TRIP12: variants seen among roughly 807,000 people sequenced by gnomAD.
TRIP12 encodes the protein E3 ubiquitin-protein ligase TRIP12.
Under a neutral mutation model 244.2 loss-of-function variants are expected in TRIP12, and 25 were observed. The observed-to-expected ratio is 0.10, with a 90% CI of 0.07 to 0.14. TRIP12 has a LOEUF of 0.14. Among genes scored for constraint, TRIP12 ranks in the 10% least tolerant of loss-of-function variants. The pLI is 1.00. For synonymous variants in TRIP12, 905 were observed against 873.1 expected, an observed-to-expected ratio of 1.04 and a Z score of -0.64; for missense variants, 1,677 against 2,486.4, an observed-to-expected ratio of 0.67 and a Z score of 6.92.
chr2:229,883,622 T>C (rs1326401115), intron 1 of TRIP12, among the ~76,000 whole-genome samples: 3 of 152,292 alleles, frequency 2.0e-5, no homozygotes, highest in African/African-American at 7.2e-5. Context: ...ATCAAGATTT[T>C]TCACATAAAA....
At chr2:229,828,040 T>C (rs62190439) in intron 8 of TRIP12, among the ~76,000 whole-genome samples, 3,477 of 152,316 alleles carry the variant, frequency 0.023, 46 homozygotes, top group Non-Finnish European at 0.031. Flanking sequence ...GTGGGACTAA[T>C]GTAGTGTGTG....
At position 229,858,895 on chromosome 2, in the gene TRIP12, A is replaced by G; in HGVS notation, c.904T>C (p.Phe302Leu). The G allele has an allele frequency of 1.2e-6, 2 of 1,614,132 alleles. No homozygotes were observed. The highest frequency in any genetic ancestry group is 1.7e-6 in the Non-Finnish European group (2 of 1,180,004). ...GGGCTGAAACGAGCAGCCCAATCAA[A>G]TTTTGAAGAGCCACCAGTTTTACTC... ...EQSKTGGSSK[F>L]DWAARFSPKV... The change falls in exon 4 of 42, where the codon TTT (phenylalanine) becomes CTT (leucine). Residue 302 changes from phenylalanine (F) to leucine (L), a missense_variant. Physicochemically the swap from Phe to Leu is conservative, Grantham distance 22 (BLOSUM62 0). Coordinates refer to ENST00000675903, the MANE Select transcript of TRIP12 (RefSeq NM_001348323.3).
rs1559583978 is a variant in TRIP12, at chr2:229,813,902, G to T, written c.1954C>A (p.Leu652Ile). 1 of 1,581,694 alleles carries T rather than the reference G, an allele frequency of 6.3e-7. No individual in the cohort carries two copies. The highest frequency in any genetic ancestry group is 8.6e-7 in the Non-Finnish European group (1 of 1,156,394). ...PDEFHFVADS[L>I]PLLTQRLTHQ... Reference sequence around the variant, plus strand: ...GTTAGCCTTTGGGTTAGCAATGGGAGTGAATCTGCCACAAAATGAAATTCA... The same window carrying T: ...GTTAGCCTTTGGGTTAGCAATGGGATTGAATCTGCCACAAAATGAAATTCA... Residue 652 changes from leucine to isoleucine, a missense_variant, in exon 13 of 42, where the codon CTC (leucine) becomes ATC (isoleucine). Physicochemically the swap from Leu to Ile is conservative, Grantham distance 5 (BLOSUM62 2). Coordinates refer to ENST00000675903, the MANE Select transcript of TRIP12 (RefSeq NM_001348323.3).
At chr2:229,769,549 G>C (rs571277477) in intron 39 of TRIP12, among the ~76,000 whole-genome samples, 4 of 151,966 alleles carry the variant, frequency 2.6e-5, no homozygotes, top group African/African-American at 9.7e-5. Flanking sequence ...CCCATCTGCA[G>C]GGACTTGGTT....
At position 229,795,214 on chromosome 2, in the gene TRIP12, T is replaced by C. The variant is rs1277729325; in HGVS notation, c.3933A>G (p.Val1311=). The part of the protein sequence containing the change: ...LSQMEQFPVK[V]HDFPSGNGTG... ...TCCCATTTCCACTAGGGAAATCATG[T>C]ACTTTGACTGGAAATTGTTCCATCT... Residue 1311 remains valine, a synonymous_variant, in exon 26 of 42, where the codon GTA becomes GTG. Transcript: ENST00000675903. 1.2e-6 allele frequency: 2 copies of C among 1,613,908 alleles called. No homozygotes were observed. Among genetic ancestry groups the C allele is most frequent in the Non-Finnish European group, 1.7e-6 (2 of 1,179,946 alleles).
intron 38 of TRIP12, 118 bp downstream of exon 38, chr2:229,773,979 T>C: frequency 9.9e-7 from 1 of 1,010,378 alleles, no homozygotes; most frequent in Non-Finnish European, 1.5e-6. Flanking sequence ...CTTCATGCAG[T>C]GGTCCTGGGG....
chr2:229,913,997 G>A (rs1214158826), intron 1 of TRIP12, among the ~76,000 whole-genome samples: 1 of 152,144 alleles, frequency 6.6e-6, no homozygotes, highest in African/African-American at 2.4e-5. Context: ...GCCAGGCGCG[G>A]TGGCTCACAC....
chr2:229,868,346 CACTT>C (rs1474435257), intron 2 of TRIP12, among the ~76,000 whole-genome samples: 2 of 152,104 alleles, frequency 1.3e-5, no homozygotes, highest in Non-Finnish European at 2.9e-5. Context: ...GGACTACAGA[CACTT>C]ACGACCACAC....
chr2:229,818,783 T>C (rs1189305069), intron 8 of TRIP12, among the ~76,000 whole-genome samples: 1 of 152,066 alleles, frequency 6.6e-6, no homozygotes, highest in Non-Finnish European at 1.5e-5. Context: ...AAAAATAATA[T>C]CCCTAAGACC....
intron 1 of TRIP12, among the ~76,000 whole-genome samples, chr2:229,890,065 T>C (rs2066950369): frequency 6.8e-6 from 1 of 147,440 alleles, no homozygotes; most frequent in Non-Finnish European, 1.5e-5. Context: ...AATAATGACA[T>C]CACAGAGGTT....
chr2:229,913,351 A>C (rs2074702344), intron 1 of TRIP12, among the ~76,000 whole-genome samples: 2 of 152,268 alleles, frequency 1.3e-5, no homozygotes, highest in African/African-American at 4.8e-5. Context: ...TGATGGAATA[A>C]GATAAATATC....
intron 6 of TRIP12, among the ~76,000 whole-genome samples, chr2:229,834,066 C>G (rs909963722): frequency 6.6e-6 from 1 of 152,226 alleles, no homozygotes; most frequent in Non-Finnish European, 1.5e-5. Context: ...AAAAATGTGA[C>G]TATCAGTAGA....
intron 1 of TRIP12, among the ~76,000 whole-genome samples, chr2:229,899,178 C>T (rs1365410050): frequency 6.6e-6 from 1 of 152,154 alleles, no homozygotes; most frequent in Non-Finnish European, 1.5e-5. Flanking sequence ...CTGTCTCGAA[C>T]TCCTGAGCTC....
chr2:229,897,727 A>T (rs2069287340), intron 1 of TRIP12, among the ~76,000 whole-genome samples: 1 of 152,220 alleles, frequency 6.6e-6, no homozygotes, highest in Non-Finnish European at 1.5e-5. Context: ...GCATAATTAC[A>T]ACTCTGAAGA....
intron 22 of TRIP12, 70 bp from the exon 23 acceptor site, chr2:229,799,119 G>A: frequency 6.3e-7 from 1 of 1,577,972 alleles, no homozygotes; most frequent in Non-Finnish European, 8.7e-7. Flanking sequence ...TGATTTTTAA[G>A]ATTCACAGTC....
chr2:229,778,363 C>T lies in TRIP12; in HGVS notation c.5364+70G>A, dbSNP rs2036994347. 4 of 1,568,182 alleles carry T rather than the reference C, an allele frequency of 2.6e-6. No homozygotes were observed. The highest frequency in any genetic ancestry group is 2.7e-5 in the African/African-American group (2 of 73,784). On this transcript the variant is annotated intron_variant, in intron 36 of 41. Transcript: ENST00000675903. This position sits in a 1 kb window ranked among gnomAD's most constrained non-coding sequence, Gnocchi z 4.1. ...TGCTCTAAACTATAGCAGTAAACTA[C>T]AGGGGACTGAGGTACTTGCACAGAA...
intron 1 of TRIP12, among the ~76,000 whole-genome samples, chr2:229,881,073 G>A (rs1157969984): frequency 5.3e-5 from 8 of 152,136 alleles, no homozygotes. Context: ...CAGCTCTGCT[G>A]GCCGTGACCT....
chr2:229,824,724 A>C (rs898917504), intron 8 of TRIP12, among the ~76,000 whole-genome samples: 2 of 152,232 alleles, frequency 1.3e-5, no homozygotes, highest in Non-Finnish European at 2.9e-5. Flanking sequence ...GCTACTCTTA[A>C]CTGAGAAAGG....
At chr2:229,878,542 C>T (rs1225506539) in intron 2 of TRIP12, among the ~76,000 whole-genome samples, 4 of 151,748 alleles carry the variant, frequency 2.6e-5, no homozygotes, top group African/African-American at 9.7e-5. Flanking sequence ...CTGACATCAC[C>T]ATGATGTGCT....
Sources: allele counts gnomAD v4.1 joint callset (sites outside exome capture counted in the v4.1 genomes callset), GRCh38; gene constraint gnomAD v4.1.1; non-coding constraint Gnocchi (gnomAD v3.1); transcripts MANE v1.5; gene names NCBI Gene and HGNC (gene_info 2026-07-23, HGNC 2026-07-21).